Variants in GUCY1A2 observed in about 807,000 individuals in gnomAD.
GUCY1A2 encodes the protein guanylate cyclase soluble subunit alpha-2.
In GUCY1A2, 27 loss-of-function variants were observed where a neutral mutation model predicts 63.5. The ratio of observed to expected loss-of-function variants is 0.43; its 90% CI spans 0.31 to 0.59. The LOEUF is 0.59. Among genes scored for constraint, GUCY1A2 ranks in the 20% least tolerant of loss-of-function variants. GUCY1A2 has a pLI of 0.11. For synonymous variants in GUCY1A2, 364 were observed against 343.5 expected, an observed-to-expected ratio of 1.06 and a Z score of -0.66; for missense variants, 768 against 913.3, an observed-to-expected ratio of 0.84 and a Z score of 2.05.
intron 6 of GUCY1A2, among the ~76,000 whole-genome samples, chr11:106,710,763 A>G: frequency 6.6e-6 from 1 of 152,180 alleles, no homozygotes; most frequent in Non-Finnish European, 1.5e-5. Flanking sequence ...GCGAATGGAT[A>G]ACAAGTGGGA....
chr11:106,935,356 T>C (rs1410246870), intron 4 of GUCY1A2, among the ~76,000 whole-genome samples: 1 of 152,158 alleles, frequency 6.6e-6, no homozygotes, highest in Non-Finnish European at 1.5e-5. Context: ...GGGTCAAAGA[T>C]GCTAAGAATT....
rs530047562 is a variant in GUCY1A2, at chr11:106,802,428, C to T, written c.1692+7565G>A. 9.2e-5 allele frequency among the ~76,000 whole-genome samples: 14 copies of T among 152,220 alleles called. No homozygotes were observed. The East Asian group carries it at 9.6e-4, about 10-fold the overall frequency. ...AAATCTTTCATTTGCATCAATGGGA[C>T]GGTAGCATTTATTCTTATTAGATAC... On this transcript the variant is annotated intron_variant, in intron 5 of 7. Coordinates refer to ENST00000526355, the MANE Select transcript of GUCY1A2 (RefSeq NM_000855.3).
At chr11:106,979,897 T>G (rs779036895) in intron 2 of GUCY1A2, among the ~76,000 whole-genome samples, 2 of 147,872 alleles carry the variant, frequency 1.4e-5, no homozygotes, top group African/African-American at 4.9e-5. Context: ...GAGTGAGGAG[T>G]TGGCCTAGGA....
At chr11:106,729,958 G>C (rs1863471280) in intron 6 of GUCY1A2, among the ~76,000 whole-genome samples, 1 of 150,314 alleles carries the variant, frequency 6.7e-6, no homozygotes, top group African/African-American at 2.4e-5. Flanking sequence ...TGAAAAATTA[G>C]AGTCTATTTT....
chr11:106,882,909 G>C lies in GUCY1A2; in HGVS notation c.1206+56551C>G, dbSNP rs535483533. On this transcript the variant is annotated intron_variant, in intron 4 of 7. Coordinates refer to ENST00000526355, the MANE Select transcript of GUCY1A2 (RefSeq NM_000855.3). ...ACTATAAAACCAACCCATGTTAGAAGTTCCCCAATTCCTCATCCCATCATT... is the reference window on the plus strand; with the variant it reads ...ACTATAAAACCAACCCATGTTAGAACTTCCCCAATTCCTCATCCCATCATT... Among the ~76,000 whole-genome samples the C allele has an allele frequency of 5.4e-4, 82 of 152,094 alleles. 1 individual carries two copies. The highest frequency in any genetic ancestry group is 5.1e-3 in the Admixed American group (77 of 15,246).
At chr11:106,700,698 T>C (rs1862803897) in intron 7 of GUCY1A2, among the ~76,000 whole-genome samples, 1 of 152,150 alleles carries the variant, frequency 6.6e-6, no homozygotes, top group Admixed American at 6.5e-5. Context: ...GATAAGATGA[T>C]TAATAAAGTT....
Position 106,681,656 on chromosome 11 carries a change from G to A in GUCY1A2, c.*5893C>T, listed in dbSNP as rs974120573. 42 of 221,942 alleles carry A rather than the reference G, an allele frequency of 1.9e-4. 1 individual carries two copies. The highest frequency in any genetic ancestry group is 7.4e-4 in the African/African-American group (33 of 44,790). 13.7% of individuals were successfully genotyped at this position (221,942 alleles called of 1,614,324 possible). A position where few individuals can be genotyped will look rare whatever the true frequency, so the allele number is the denominator to read the frequency against. On this transcript the variant is annotated 3_prime_UTR_variant, in exon 8 of 8. Coordinates refer to ENST00000526355, the MANE Select transcript of GUCY1A2 (RefSeq NM_000855.3). ...TTTTTAATCTGAGTCATTACTTGCT[G>A]CTCATTTTGCTACAGAATAATGAGT...
chr11:106,762,280 AAAG>A (rs1457813060), intron 6 of GUCY1A2, among the ~76,000 whole-genome samples: 1 of 152,118 alleles, frequency 6.6e-6, no homozygotes, highest in Non-Finnish European at 1.5e-5. Context: ...TGCAAATATA[AAAG>A]AATACTTACT....
intron 5 of GUCY1A2, among the ~76,000 whole-genome samples, chr11:106,783,259 C>G (rs1396641747): frequency 1.3e-5 from 2 of 152,166 alleles, no homozygotes; most frequent in Non-Finnish European, 2.9e-5. Context: ...TTCATAAAAG[C>G]CACATTCTTG....
chr11:106,973,649 G>C (rs1861225161), intron 3 of GUCY1A2, among the ~76,000 whole-genome samples: 2 of 152,120 alleles, frequency 1.3e-5, no homozygotes. Flanking sequence ...GCAGCACAAA[G>C]TAATGAGAAG....
chr11:106,826,871 C>T, intron 4 of GUCY1A2: 1 of 1,605,884 alleles, frequency 6.2e-7, no homozygotes, highest in Non-Finnish European at 8.5e-7. Flanking sequence ...TGATCATCCA[C>T]TTTCAGGCCA....
At chr11:106,920,150 T>TA (rs5794504) in intron 4 of GUCY1A2, among the ~76,000 whole-genome samples, 19,433 of 151,292 alleles carry the variant, frequency 0.13, 1,549 homozygotes, top group Admixed American at 0.19. Context: ...GGAACGCCAT[T>TA]AAAAAAAACC....
At chr11:107,005,043 G>A (rs1326232949) in intron 1 of GUCY1A2, among the ~76,000 whole-genome samples, 6 of 152,104 alleles carry the variant, frequency 3.9e-5, no homozygotes, top group African/African-American at 1.4e-4. Flanking sequence ...TAAAATTCAT[G>A]GAACACTAAG....
chr11:106,712,554 C>T (rs1283814667), intron 6 of GUCY1A2, among the ~76,000 whole-genome samples: 1 of 148,338 alleles, frequency 6.7e-6, no homozygotes, highest in East Asian at 2.1e-4. Flanking sequence ...GGATTGGATG[C>T]CAGATATCAT....
chr11:106,841,729 A>G (rs1591298396), intron 4 of GUCY1A2, among the ~76,000 whole-genome samples: 1 of 151,948 alleles, frequency 6.6e-6, no homozygotes, highest in East Asian at 1.9e-4. Context: ...TCTTCAAAGT[A>G]CACATTTTCT....
chr11:106,882,331 G>A (rs1859835594), intron 4 of GUCY1A2, among the ~76,000 whole-genome samples: 1 of 151,902 alleles, frequency 6.6e-6, no homozygotes, highest in African/African-American at 2.4e-5. Context: ...ATGCAAAATG[G>A]AATTTTACAT....
intron 7 of GUCY1A2, among the ~76,000 whole-genome samples, chr11:106,694,908 C>T (rs1015885623): frequency 6.6e-6 from 1 of 152,104 alleles, no homozygotes; most frequent in African/African-American, 2.4e-5. Flanking sequence ...ACTTAAAATA[C>T]CCTAGAGTAT....
At chr11:106,999,559 C>A (rs1861586047) in intron 1 of GUCY1A2, among the ~76,000 whole-genome samples, 1 of 152,058 alleles carries the variant, frequency 6.6e-6, no homozygotes, top group South Asian at 2.1e-4. Flanking sequence ...ATCTAATGGC[C>A]AAAATGTGTT....
intron 3 of GUCY1A2, among the ~76,000 whole-genome samples, chr11:106,952,726 C>T (rs1271092961): frequency 6.6e-6 from 1 of 151,990 alleles, no homozygotes; most frequent in South Asian, 2.1e-4. Flanking sequence ...CTGAAACCTC[C>T]ACCTCCTGGG....
Sources: gnomAD v4.1 joint callset for allele counts (sites outside exome capture counted in the v4.1 genomes callset) on GRCh38, gnomAD v4.1.1 for gene constraint, MANE v1.5 for transcripts, NCBI Gene and HGNC (gene_info 2026-07-23, HGNC 2026-07-21) for gene names.